CSMD1: variants seen among roughly 807,000 people sequenced by gnomAD.
CSMD1 encodes the protein CUB and sushi domain-containing protein 1.
A neutral mutation model predicts 417.5 loss-of-function variants in CSMD1; 213 were observed. The observed-to-expected ratio is 0.51, with a 90% confidence interval of 0.46 to 0.57. CSMD1 has a LOEUF of 0.57. CSMD1 is among the 20% of genes least tolerant of loss of function. CSMD1 has a pLI of 0.00. For synonymous variants in CSMD1, 2,862 were observed against 1,736.8 expected, an observed-to-expected ratio of 1.65 and a Z score of -16.11; for missense variants, 6,923 against 4,529.7, an observed-to-expected ratio of 1.53 and a Z score of -15.17.
intron 1 of CSMD1, among the ~76,000 whole-genome samples, chr8:4,761,867 CTATCTATCTAT>C (rs1563318953): frequency 9.1e-5 from 8 of 87,772 alleles, no homozygotes; most frequent in East Asian, 3.8e-4. Context: ...ATCTATCTAT[CTATCTATCTAT>C]CTATCTATCT....
chr8:4,940,176 C>G (rs564237219), intron 1 of CSMD1, among the ~76,000 whole-genome samples: 1 of 152,248 alleles, frequency 6.6e-6, no homozygotes, highest in South Asian at 2.1e-4. Context: ...AAGATATTGA[C>G]TGACCTATTT....
chr8:3,511,525 C>T (rs7010817), intron 10 of CSMD1, among the ~76,000 whole-genome samples: 5,183 of 151,584 alleles, frequency 0.034, 335 homozygotes, highest in East Asian at 0.22. Context: ...GAGGCCGAGG[C>T]AGGTAGATCA....
chr8:3,169,056 G>C (rs10503198), intron 37 of CSMD1, among the ~76,000 whole-genome samples: 27,042 of 152,070 alleles, frequency 0.18, 2,912 homozygotes, highest in East Asian at 0.47. Context: ...GGACTATTTT[G>C]GTCTACGTAC....
intron 52 of CSMD1, among the ~76,000 whole-genome samples, chr8:3,014,808 T>C (rs1365015914): frequency 6.6e-6 from 1 of 151,994 alleles, no homozygotes; most frequent in East Asian, 1.9e-4. Flanking sequence ...CCAAGCTACT[T>C]AGGAGGCTGA....
At chr8:4,297,621 G>T (rs1376675784) in intron 3 of CSMD1, among the ~76,000 whole-genome samples, 1 of 152,040 alleles carries the variant, frequency 6.6e-6, no homozygotes, top group East Asian at 1.9e-4. Flanking sequence ...GCCTGAAATT[G>T]AACTTGACCT....
At chr8:4,849,485 C>A (rs984334912) in intron 1 of CSMD1, among the ~76,000 whole-genome samples, 1 of 152,210 alleles carries the variant, frequency 6.6e-6, no homozygotes, top group East Asian at 1.9e-4. Flanking sequence ...CTAGATCTCA[C>A]GTTCAATTAT....
At chr8:4,323,510 T>C (rs1319555338) in intron 3 of CSMD1, among the ~76,000 whole-genome samples, 1 of 152,014 alleles carries the variant, frequency 6.6e-6, no homozygotes, top group Non-Finnish European at 1.5e-5. Context: ...TTATCAGAAA[T>C]GTTGCCTGGC....
chr8:4,065,572 T>C (rs2552092), intron 3 of CSMD1, among the ~76,000 whole-genome samples: 126,907 of 152,036 alleles, frequency 0.83, 53,032 homozygotes, highest in Admixed American at 0.88. Flanking sequence ...TTTTCACTGC[T>C]AAAAGATGTA....
chr8:3,031,818 T>G (rs13269922), intron 50 of CSMD1, among the ~76,000 whole-genome samples: 29,070 of 151,802 alleles, frequency 0.19, 3,664 homozygotes, highest in Non-Finnish European at 0.27. Flanking sequence ...GTATTTGGTT[T>G]GGTTTGTAAT....
intron 18 of CSMD1, among the ~76,000 whole-genome samples, chr8:3,380,605 T>C (rs1420639566): frequency 6.6e-6 from 1 of 152,158 alleles, no homozygotes; most frequent in Non-Finnish European, 1.5e-5. Flanking sequence ...TGGATGAATC[T>C]GGAAACCATC....
At chr8:4,009,267 T>A (rs1247677361) in intron 4 of CSMD1, among the ~76,000 whole-genome samples, 2 of 152,214 alleles carry the variant, frequency 1.3e-5, no homozygotes, top group Non-Finnish European at 2.9e-5. Context: ...TCAGACTTTT[T>A]AAAAAAGTGT....
At chr8:4,098,127 C>A (rs73173821) in intron 3 of CSMD1, among the ~76,000 whole-genome samples, 13,890 of 152,166 alleles carry the variant, frequency 0.091, 715 homozygotes, top group Middle Eastern at 0.18. Context: ...TTTCACTCAT[C>A]AGATTTCATA....
At position 3,284,919 on chromosome 8, in the gene CSMD1, A is replaced by G. The variant is rs1187378385; in HGVS notation, c.3951-573T>C. ...TACCAACAGAAAGGCAAAAATGGGT[A>G]ACATAAACTCCCTTCTTTATAAAAT... On this transcript the variant is annotated intron_variant, in intron 25 of 69. Transcript: ENST00000635120. Among the ~76,000 whole-genome samples the G allele has an allele frequency of 2.0e-5, 3 of 152,322 alleles. No individual in the cohort carries two copies. In the East Asian group the frequency reaches 5.8e-4, roughly 29 times the overall value.
chr8:4,131,345 T>C (rs1563163817), intron 3 of CSMD1, among the ~76,000 whole-genome samples: 1 of 152,140 alleles, frequency 6.6e-6, no homozygotes, highest in Non-Finnish European at 1.5e-5. Context: ...TTCCACTTGG[T>C]GACACCTACA....
At chr8:4,406,969 C>A (rs116949306) in intron 3 of CSMD1, among the ~76,000 whole-genome samples, 1 of 152,068 alleles carries the variant, frequency 6.6e-6, no homozygotes, top group East Asian at 1.9e-4. Flanking sequence ...GTTTCCTAAA[C>A]GAGGAAAATG....
In CSMD1 at chr8:4,163,493, A is replaced by C. The variant is rs994844499; in HGVS notation, c.416-131394T>G. 3.9e-5 allele frequency among the ~76,000 whole-genome samples: 6 copies of C among 152,262 alleles called. No individual in the cohort carries two copies. The East Asian group carries it at 1.2e-3, about 29-fold the overall frequency. On this transcript the variant is annotated intron_variant, in intron 3 of 69. Coordinates refer to ENST00000635120, the MANE Select transcript of CSMD1 (RefSeq NM_033225.6). ...TACTTTTATTTAGATTTTATCCTTC[A>C]ACTCACAGTACAGACATTGTTTTGT...
chr8:4,333,890 ATTTCTT>A (rs1800014600), intron 3 of CSMD1, among the ~76,000 whole-genome samples: 1 of 151,762 alleles, frequency 6.6e-6, no homozygotes, highest in African/African-American at 2.4e-5. Flanking sequence ...TTTCCCCTTT[ATTTCTT>A]TTTGTTTTGT....
chr8:2,951,914 C>G (rs1274090177), intron 65 of CSMD1, among the ~76,000 whole-genome samples: 1 of 152,082 alleles, frequency 6.6e-6, no homozygotes, highest in Non-Finnish European at 1.5e-5. Flanking sequence ...TCAATAATTT[C>G]AAATGTTTCT....
chr8:4,207,200 A>T (rs943354318), intron 3 of CSMD1, among the ~76,000 whole-genome samples: 35 of 152,194 alleles, frequency 2.3e-4, no homozygotes, highest in African/African-American at 8.4e-4. Context: ...CGTAGATAGG[A>T]AATGAATGTG....
Sources: gnomAD v4.1 joint callset for allele counts (sites outside exome capture counted in the v4.1 genomes callset) on GRCh38, gnomAD v4.1.1 for gene constraint, MANE v1.5 for transcripts, NCBI Gene and HGNC (gene_info 2026-07-23, HGNC 2026-07-21) for gene names.